Variants in MRRF observed in about 807,000 individuals in gnomAD.
MRRF encodes ribosome-recycling factor, mitochondrial.
In MRRF, 18 loss-of-function variants were observed where a neutral mutation model predicts 25.1. The observed-to-expected ratio is 0.72, with a 90% CI of 0.50 to 1.06. The LOEUF (loss-of-function observed/expected upper bound fraction) is 1.06, where lower values mean the gene tolerates loss of function less well. Ranked by LOEUF, MRRF falls within the 50% of genes least tolerant of loss-of-function variation. The probability of loss-of-function intolerance (pLI) is 0.00; values close to 1 mark genes in which losing one functional copy is unlikely to be tolerated. For synonymous variants in MRRF, 113 were observed against 112.1 expected (o/e 1.01, Z -0.05); for missense variants, 323 against 319.3 (o/e 1.01, Z -0.09).
chr9:122,297,589 A>G (rs1834170571), intron 5 of MRRF, among the ~76,000 whole-genome samples: 1 of 152,136 alleles, frequency 6.6e-6, no homozygotes, highest in Non-Finnish European at 1.5e-5. Context: ...CCAAGTGTCA[A>G]GTATCTTAGT....
At chr9:122,285,654 T>G in intron 4 of MRRF, 2 of 745,056 alleles carry the variant, frequency 2.7e-6, no homozygotes, top group Non-Finnish European at 3.8e-6. Context: ...AGGCACAATG[T>G]AGGCCTGGTA....
chr9:122,287,357 A>G (rs1057050824), intron 4 of MRRF, among the ~76,000 whole-genome samples: 3 of 152,224 alleles, frequency 2.0e-5, no homozygotes, highest in Non-Finnish European at 4.4e-5. Flanking sequence ...TTAGGTTGAT[A>G]AAAGGGAGGC....
chr9:122,303,952 T>A (rs951757686), intron 5 of MRRF, among the ~76,000 whole-genome samples: 4 of 152,084 alleles, frequency 2.6e-5, no homozygotes, highest in African/African-American at 9.7e-5. Flanking sequence ...TGTCTATAGT[T>A]TGTACATTCC....
At chr9:122,274,548 G>GTGTT (rs1362094503) in intron 2 of MRRF, among the ~76,000 whole-genome samples, 1 of 150,144 alleles carries the variant, frequency 6.7e-6, no homozygotes, top group Admixed American at 6.6e-5. Flanking sequence ...GTGTGTGTGT[G>GTGTT]TGTGTGTGTG....
At chr9:122,294,323 A>C (rs1354566165) in intron 5 of MRRF, among the ~76,000 whole-genome samples, 2 of 152,270 alleles carry the variant, frequency 1.3e-5, no homozygotes, top group Non-Finnish European at 2.9e-5. Flanking sequence ...GCATTTCTGC[A>C]GCCCCGCAAG....
intron 1 of MRRF, among the ~76,000 whole-genome samples, chr9:122,269,376 T>C (rs1832314106): frequency 6.6e-6 from 1 of 152,146 alleles, no homozygotes; most frequent in African/African-American, 2.4e-5. Context: ...TTGTAGGCTA[T>C]TTTGTACATC....
At chr9:122,319,926 G>C (rs1835783178) in intron 6 of MRRF, among the ~76,000 whole-genome samples, 1 of 146,210 alleles carries the variant, frequency 6.8e-6, no homozygotes, top group Non-Finnish European at 1.5e-5. Context: ...CCAGGTTGGA[G>C]TGCAGTGGCA....
At chr9:122,306,724 A>G (rs1564505378) in intron 5 of MRRF, among the ~76,000 whole-genome samples, 1 of 152,214 alleles carries the variant, frequency 6.6e-6, no homozygotes, top group African/African-American at 2.4e-5. Flanking sequence ...TACTCACCCC[A>G]AAACTTGGGT....
chr9:122,304,119 G>GA (rs1284342458), intron 5 of MRRF, among the ~76,000 whole-genome samples: 11 of 147,204 alleles, frequency 7.5e-5, no homozygotes, highest in South Asian at 2.1e-4. Context: ...GATATTGAAA[G>GA]AAAAAAACTC....
chr9:122,270,856 C>A lies in MRRF; in HGVS notation c.-28-8C>A. 1.2e-6 allele frequency: 2 copies of A among 1,610,112 alleles called. No homozygotes were observed. Among genetic ancestry groups the A allele is most frequent in the Non-Finnish European group, 1.7e-6 (2 of 1,176,414 alleles). ...ACTTAGATCTGCTTTTTGTCTTATT[C>A]TTTTTAGTGGATGTTTCCAAGGATT... is the stretch of plus-strand genomic sequence containing the variant. On this transcript the variant is annotated splice_region_variant and splice_polypyrimidine_tract_variant and intron_variant, in intron 1 of 6. Transcript: ENST00000344641.
At chr9:122,270,320 C>G (rs1832372710) in intron 1 of MRRF, among the ~76,000 whole-genome samples, 2 of 152,174 alleles carry the variant, frequency 1.3e-5, no homozygotes, top group African/African-American at 4.8e-5. Flanking sequence ...CATGGAAGAC[C>G]TCAAACCTCA....
Position 122,270,994 on chromosome 9 carries a change from C to A in MRRF, c.103C>A (p.His35Asn). The A allele has an allele frequency of 6.2e-7, 1 of 1,614,138 alleles. No individual in the cohort carries two copies. Among genetic ancestry groups the A allele is most frequent in the Non-Finnish European group, 8.5e-7 (1 of 1,179,980 alleles). Residue 35 changes from histidine (H) to asparagine (N), a missense_variant, in exon 2 of 7, where the codon CAT (histidine) becomes AAT (asparagine). His to Asn is a moderately conservative substitution (Grantham distance 68). Transcript: ENST00000344641. ...PVSEVTLKTV[H>N]ERQHGHRQYM... ...TTCAGAAGTTACACTGAAGACAGTG[C>A]ATGAAAGACAACATGGCCATAGGCA...
intron 5 of MRRF, among the ~76,000 whole-genome samples, chr9:122,310,845 G>A (rs1248618796): frequency 6.6e-6 from 1 of 152,180 alleles, no homozygotes; most frequent in African/African-American, 2.4e-5. Flanking sequence ...AGGAATGCAA[G>A]GTGGAGATGA....
rs1415910633 is a variant in MRRF, at chr9:122,324,917, C to G, written c.*2300C>G. 1 of 152,212 alleles carries G rather than the reference C, an allele frequency of 6.6e-6. No homozygotes were observed. The highest frequency in any genetic ancestry group is 1.5e-5 in the Non-Finnish European group (1 of 68,064). The allele number at this position is 152,212 out of a possible 1,614,324, so 9.4% of individuals were successfully genotyped here. On this transcript the variant is annotated 3_prime_UTR_variant, in exon 7 of 7. Transcript: ENST00000344641. Reference sequence around the variant, plus strand: ...AAGTGGTCATCACATGATCAGAAGTCAGCTGGGGGAAGAGCAGGGATAGAT... The same window carrying G: ...AAGTGGTCATCACATGATCAGAAGTGAGCTGGGGGAAGAGCAGGGATAGAT...
intron 5 of MRRF, among the ~76,000 whole-genome samples, chr9:122,302,326 C>A (rs1209834169): frequency 6.6e-6 from 1 of 152,162 alleles, no homozygotes; most frequent in Non-Finnish European, 1.5e-5. Flanking sequence ...ACACTCTACC[C>A]ACCAGCAGTC....
chr9:122,267,877 G>A (rs1055896596), intron 1 of MRRF, among the ~76,000 whole-genome samples: 2 of 152,192 alleles, frequency 1.3e-5, no homozygotes, highest in African/African-American at 4.8e-5. Context: ...ATATCACTAT[G>A]ATGATGATGT....
rs141527666 is a variant in MRRF, at chr9:122,275,112, G to A, written c.184+4037G>A. ...GTTACCTCCTTTTTTTTTTTTTTGCGAAAGCACATAAAATCTGTCTTAGCA... is the reference window on the plus strand; with the variant it reads ...GTTACCTCCTTTTTTTTTTTTTTGCAAAAGCACATAAAATCTGTCTTAGCA... On this transcript the variant is annotated intron_variant, in intron 2 of 6. Transcript: ENST00000344641. Among the ~76,000 whole-genome samples the A allele has an allele frequency of 4.0e-4, 56 of 140,198 alleles. No individual in the cohort carries two copies. In the East Asian group the frequency reaches 0.01, roughly 26 times the overall value. The allele number at this position is 140,198 out of a possible 152,430, so 92.0% of individuals were successfully genotyped here.
At chr9:122,301,760 G>GTC (rs1264301659) in intron 5 of MRRF, among the ~76,000 whole-genome samples, 1 of 150,166 alleles carries the variant, frequency 6.7e-6, no homozygotes, top group Non-Finnish European at 1.5e-5. Flanking sequence ...TTGAGATACA[G>GTC]TCTCTCTCTG....
intron 2 of MRRF, among the ~76,000 whole-genome samples, chr9:122,272,789 C>A (rs1363635152): frequency 6.6e-6 from 1 of 151,998 alleles, no homozygotes; most frequent in Non-Finnish European, 1.5e-5. Flanking sequence ...TTAAGAAATA[C>A]CCGTCTATTG....
Sources: gnomAD v4.1 joint callset for allele counts (sites outside exome capture counted in the v4.1 genomes callset) on GRCh38, gnomAD v4.1.1 for gene constraint, MANE v1.5 for transcripts, NCBI Gene and HGNC (gene_info 2026-07-23, HGNC 2026-07-21) for gene names.